Variants in ATXN1 observed in about 807,000 individuals in gnomAD.
ATXN1 encodes ataxin-1.
In ATXN1, 8 loss-of-function variants were observed where a neutral mutation model predicts 56.4. The ratio of observed to expected loss-of-function variants is 0.14; its 90% CI spans 0.08 to 0.26. ATXN1 has a LOEUF of 0.26. ATXN1 is among the 10% of genes least tolerant of loss of function. The pLI, the probability that ATXN1 is intolerant of heterozygous loss-of-function variation, is 1.00. For synonymous variants in ATXN1, 514 were observed against 494.6 expected (o/e 1.04, Z -0.52); for missense variants, 987 against 1,106.5 (o/e 0.89, Z 1.53).
chr6:16,348,541 A>G (rs1761490873), intron 6 of ATXN1, among the ~76,000 whole-genome samples: 1 of 152,126 alleles, frequency 6.6e-6, no homozygotes, highest in Admixed American at 6.5e-5. Flanking sequence ...TCTACTAAAA[A>G]TACAAAAAAA....
chr6:16,445,606 C>T (rs1331516640), intron 6 of ATXN1, among the ~76,000 whole-genome samples: 1 of 151,508 alleles, frequency 6.6e-6, no homozygotes, highest in African/African-American at 2.4e-5. Context: ...ATGTGCCATG[C>T]TGGTGTGCTG....
At chr6:16,408,575 G>GT (rs1283458830) in intron 6 of ATXN1, among the ~76,000 whole-genome samples, 1 of 151,868 alleles carries the variant, frequency 6.6e-6, no homozygotes, top group African/African-American at 2.4e-5. Flanking sequence ...CACTAAGTGT[G>GT]TATCACGTAT....
At chr6:16,483,939 A>G (rs1228718814) in intron 6 of ATXN1, among the ~76,000 whole-genome samples, 2 of 152,272 alleles carry the variant, frequency 1.3e-5, no homozygotes, top group Non-Finnish European at 2.9e-5. Flanking sequence ...GCATTCTAAC[A>G]GTTACCTGAT....
chr6:16,454,868 G>T (rs971251810), intron 6 of ATXN1, among the ~76,000 whole-genome samples: 3 of 152,152 alleles, frequency 2.0e-5, no homozygotes, highest in African/African-American at 7.2e-5. Flanking sequence ...TTCAGAAAAA[G>T]AACTAAAAGC....
At chr6:16,492,111 A>T (rs1356457511) in intron 5 of ATXN1, among the ~76,000 whole-genome samples, 1 of 152,180 alleles carries the variant, frequency 6.6e-6, no homozygotes, top group Non-Finnish European at 1.5e-5. Context: ...CAGCTAAGCC[A>T]TGCCTGGACT....
chr6:16,445,549 T>C (rs144712170), intron 6 of ATXN1, among the ~76,000 whole-genome samples: 81 of 152,004 alleles, frequency 5.3e-4, no homozygotes, highest in African/African-American at 1.4e-3. Context: ...ATACTTTAAG[T>C]TTTAGGGTAC....
chr6:16,496,376 C>T (rs1760782083), intron 5 of ATXN1, among the ~76,000 whole-genome samples: 1 of 152,126 alleles, frequency 6.6e-6, no homozygotes, highest in Non-Finnish European at 1.5e-5. Context: ...TTACGCAGGG[C>T]CGGGTAAGTA....
chr6:16,739,916 G>C (rs1432909485), intron 2 of ATXN1: 1 of 456,696 alleles, frequency 2.2e-6, no homozygotes, highest in Non-Finnish European at 4.4e-6. Context: ...TCTGTTCTGT[G>C]ACCTGTTAGA....
At chr6:16,448,577 T>C (rs1581770009) in intron 6 of ATXN1, among the ~76,000 whole-genome samples, 1 of 152,222 alleles carries the variant, frequency 6.6e-6, no homozygotes, top group East Asian at 1.9e-4. Context: ...TCTTCATCCT[T>C]GCTCAAACTG....
Position 16,361,548 on chromosome 6 carries a change from C to T in ATXN1, c.-160-33078G>A, listed in dbSNP as rs144825320. On this transcript the variant is annotated intron_variant, in intron 6 of 7. Coordinates refer to ENST00000436367, the MANE Select transcript of ATXN1 (RefSeq NM_001128164.2). ...AAATGTAGATTATATGCTAAAAAAA[C>T]GTAACTTGTCCCCTAAAACTTGCAT... 1.2e-4 allele frequency among the ~76,000 whole-genome samples: 18 copies of T among 152,228 alleles called. No individual in the cohort carries two copies. The East Asian group carries it at 3.3e-3, about 28-fold the overall frequency.
At chr6:16,652,165 G>A (rs1206419075) in intron 3 of ATXN1, 3 of 152,204 alleles carry the variant, frequency 2.0e-5, no homozygotes, top group African/African-American at 7.2e-5. Flanking sequence ...TTTAACAAAA[G>A]GCATTTTGGG....
At chr6:16,657,660 T>C (rs979639148) in intron 3 of ATXN1, 116 bp downstream of exon 3, 2 of 152,240 alleles carry the variant, frequency 1.3e-5, no homozygotes, top group Admixed American at 6.5e-5. Flanking sequence ...AAATGTCCTG[T>C]TATTTAGGAT....
chr6:16,543,195 C>T (rs920902311), intron 4 of ATXN1, among the ~76,000 whole-genome samples: 1 of 152,210 alleles, frequency 6.6e-6, no homozygotes, highest in Non-Finnish European at 1.5e-5. Context: ...GGGTCCCGCT[C>T]ATTCCTTCCC....
intron 3 of ATXN1, among the ~76,000 whole-genome samples, chr6:16,616,616 T>G (rs141282030): frequency 0.053 from 7,709 of 145,460 alleles, 640 homozygotes; most frequent in African/African-American, 0.18. Flanking sequence ...TATAAAATAT[T>G]TTATATATTT....
chr6:16,479,534 T>C (rs992509817), intron 6 of ATXN1, among the ~76,000 whole-genome samples: 1 of 152,170 alleles, frequency 6.6e-6, no homozygotes, highest in Non-Finnish European at 1.5e-5. Flanking sequence ...TTTAGATAAT[T>C]AAAAAATGAA....
At chr6:16,500,738 TAAAAAAAAAAA>T (rs1167731131) in intron 5 of ATXN1, among the ~76,000 whole-genome samples, 1 of 84,616 alleles carries the variant, frequency 1.2e-5, no homozygotes, top group African/African-American at 4.2e-5. Context: ...TTCATTATGA[TAAAAAAAAAAA>T]AAAAAAAAAA....
chr6:16,409,969 T>C (rs1180526514), intron 6 of ATXN1, among the ~76,000 whole-genome samples: 1 of 152,166 alleles, frequency 6.6e-6, no homozygotes, highest in African/African-American at 2.4e-5. Flanking sequence ...GCTTGGTACT[T>C]GAAAATTAAC....
At chr6:16,568,552 T>C (rs1236439321) in intron 4 of ATXN1, among the ~76,000 whole-genome samples, 5 of 152,218 alleles carry the variant, frequency 3.3e-5, no homozygotes, top group African/African-American at 1.2e-4. Flanking sequence ...ATAGAGCTTA[T>C]AATATAGACA....
chr6:16,663,740 C>T (rs115444662), intron 2 of ATXN1, among the ~76,000 whole-genome samples: 52 of 152,112 alleles, frequency 3.4e-4, no homozygotes, highest in South Asian at 2.1e-4. Flanking sequence ...TCATAGCTCA[C>T]GGCAACCTCG....
Sources: gnomAD v4.1 joint callset for allele counts (sites outside exome capture counted in the v4.1 genomes callset) on GRCh38, gnomAD v4.1.1 for gene constraint, MANE v1.5 for transcripts, NCBI Gene and HGNC (gene_info 2026-07-23, HGNC 2026-07-21) for gene names.